Variants in MSH4 observed in about 807,000 individuals in gnomAD.
The protein encoded by MSH4 is mutS homolog 4, also known as mutS protein homolog 4.
MSH4 carries 106 observed loss-of-function variants against 113.7 expected under a neutral mutation model. The ratio of observed to expected loss-of-function variants is 0.93; its 90% CI spans 0.80 to 1.10. The LOEUF (loss-of-function observed/expected upper bound fraction) is 1.10, where lower values mean the gene tolerates loss of function less well. Among genes scored for constraint, MSH4 ranks in the 50% least tolerant of loss-of-function variants. The pLI is 0.00. For synonymous variants in MSH4, 368 were observed against 380.2 expected (o/e 0.97, Z 0.37); for missense variants, 1,061 against 1,093.7 (o/e 0.97, Z 0.42).
chr1:75,888,855 T>C (rs930026736), intron 15 of MSH4, among the ~76,000 whole-genome samples: 10 of 152,078 alleles, frequency 6.6e-5, no homozygotes, highest in Admixed American at 3.9e-4. Flanking sequence ...ACTGCCTTAT[T>C]TGAACTTCTG....
At chr1:75,866,849 G>C (rs1301424809) in intron 8 of MSH4, among the ~76,000 whole-genome samples, 1 of 151,784 alleles carries the variant, frequency 6.6e-6, no homozygotes. Context: ...TTCATATCAA[G>C]TACATTATGT....
intron 9 of MSH4, among the ~76,000 whole-genome samples, chr1:75,875,320 A>G (rs1651796610): frequency 6.6e-6 from 1 of 152,220 alleles, no homozygotes; most frequent in Admixed American, 6.5e-5. Flanking sequence ...ATGTTGTAAC[A>G]CTGCAGAAAA....
In MSH4 at chr1:75,815,039, A is replaced by AT. The variant is rs1650267297; in HGVS notation, c.719dup (p.Gln241ProfsTer7). On this transcript the variant is annotated frameshift_variant, in exon 5 of 20. Coordinates refer to ENST00000263187, the MANE Select transcript of MSH4 (RefSeq NM_002440.4). LOFTEE classifies it high-confidence loss of function. ...TTTTCAGAATGTTAATTTCACTACT[A>AT]TCCAAAGGAAATACTTCAATGAAAC... 3 of 1,590,980 alleles carry AT rather than the reference A, an allele frequency of 1.9e-6. No individual in the cohort carries two copies. The highest frequency in any genetic ancestry group is 2.6e-6 in the Non-Finnish European group (3 of 1,163,580).
chr1:75,862,001 G>A (rs927863112), intron 8 of MSH4, among the ~76,000 whole-genome samples: 1 of 151,966 alleles, frequency 6.6e-6, no homozygotes, highest in Non-Finnish European at 1.5e-5. Context: ...AATGGCGGAC[G>A]CCCCTCCCCC....
At chr1:75,858,563 A>G (rs530193036) in intron 8 of MSH4, among the ~76,000 whole-genome samples, 3 of 152,242 alleles carry the variant, frequency 2.0e-5, no homozygotes, top group Admixed American at 6.5e-5. Flanking sequence ...GTGATGGATT[A>G]TGTTTATTGA....
chr1:75,805,390 T>G (rs1650037987), intron 2 of MSH4, among the ~76,000 whole-genome samples: 3 of 151,662 alleles, frequency 2.0e-5, no homozygotes, highest in Admixed American at 1.3e-4. Context: ...TTTGTTTTTT[T>G]TTTTTTTTGG....
At chr1:75,812,924 C>A (rs915130389) in intron 4 of MSH4, among the ~76,000 whole-genome samples, 4 of 152,108 alleles carry the variant, frequency 2.6e-5, no homozygotes, top group Non-Finnish European at 5.9e-5. Context: ...GTGTTTCGTT[C>A]AAGTCTTTAT....
intron 8 of MSH4, among the ~76,000 whole-genome samples, chr1:75,859,705 T>C (rs1429916290): frequency 6.6e-6 from 1 of 152,192 alleles, no homozygotes; most frequent in African/African-American, 2.4e-5. Flanking sequence ...TTAGAATTAG[T>C]GTGATATGGT....
intron 19 of MSH4, among the ~76,000 whole-genome samples, chr1:75,901,869 T>C (rs1184748046): frequency 6.6e-6 from 1 of 152,164 alleles, no homozygotes; most frequent in African/African-American, 2.4e-5. Context: ...TGAGATGATA[T>C]CTCATTGTGG....
chr1:75,855,860 G>A (rs1557511223), intron 8 of MSH4, among the ~76,000 whole-genome samples: 1 of 152,158 alleles, frequency 6.6e-6, no homozygotes, highest in Non-Finnish European at 1.5e-5. Flanking sequence ...ACCTTTAACA[G>A]TGTATAAGTG....
In MSH4 at chr1:75,843,612, C is replaced by T. The variant is rs530428451; in HGVS notation, c.1163-4597C>T. ...AATCTATGGTTTGTAGGGCATAACT[C>T]CCTAGACCCCTTAGGTAGGAATTTG... is the stretch of plus-strand genomic sequence containing the variant. On this transcript the variant is annotated intron_variant, in intron 7 of 19. Transcript: ENST00000263187. Among the ~76,000 whole-genome samples, 142 of 152,222 alleles carry T rather than the reference C, an allele frequency of 9.3e-4. 1 individual carries two copies. The highest frequency in any genetic ancestry group is 6.8e-3 in the Middle Eastern group (2 of 294).
At chr1:75,894,596 C>T (rs951836531) in intron 17 of MSH4, among the ~76,000 whole-genome samples, 1 of 152,188 alleles carries the variant, frequency 6.6e-6, no homozygotes, top group Non-Finnish European at 1.5e-5. Context: ...ATCAGTTTGC[C>T]TTCTGTATGT....
At chr1:75,822,293 A>AC (rs1454991701) in intron 6 of MSH4, 116 bp from the exon 7 acceptor site, 2 of 642,246 alleles carry the variant, frequency 3.1e-6, no homozygotes, top group Non-Finnish European at 4.8e-6. Context: ...TGTTTCAAAA[A>AC]AAAAAAAAAA....
At chr1:75,909,957 T>A (rs1021463) in intron 19 of MSH4, among the ~76,000 whole-genome samples, 146,468 of 152,098 alleles carry the variant, frequency 0.96, 70,772 homozygotes, top group East Asian at 1. Context: ...CTATTCTACC[T>A]TTTAAAAAAA....
chr1:75,837,296 G>A (rs554247855), intron 7 of MSH4, among the ~76,000 whole-genome samples: 1 of 151,674 alleles, frequency 6.6e-6, no homozygotes, highest in East Asian at 1.9e-4. Context: ...CACTCAGCTT[G>A]TGGTAATTTT....
chr1:75,816,034 G>T (rs897885636), intron 5 of MSH4, among the ~76,000 whole-genome samples: 1 of 151,898 alleles, frequency 6.6e-6, no homozygotes, highest in African/African-American at 2.4e-5. Flanking sequence ...TAAAGTATCA[G>T]ACTTTCCTAA....
At chr1:75,899,533 A>T (rs1410581769) in intron 18 of MSH4, 85 bp from the exon 19 acceptor site, 3 of 673,684 alleles carry the variant, frequency 4.5e-6, no homozygotes, top group African/African-American at 1.9e-5. Flanking sequence ...TAAATCTGTG[A>T]CTAAAAGATT....
Position 75,846,700 on chromosome 1 carries a change from T to G in MSH4, c.1163-1509T>G, listed in dbSNP as rs558251076. On this transcript the variant is annotated intron_variant, in intron 7 of 19. Transcript: ENST00000263187. ...GTAGTCTTTACAACATTCCAGACTT[T>G]CCTTACATTTCTTTCCTTTTTCTGA... Among the ~76,000 whole-genome samples, 67 of 152,334 alleles carry G rather than the reference T, an allele frequency of 4.4e-4. No individual in the cohort carries two copies. In the South Asian group the frequency reaches 6.4e-3, roughly 15 times the overall value.
At chr1:75,829,630 T>C (rs1298488061) in intron 7 of MSH4, among the ~76,000 whole-genome samples, 2 of 152,198 alleles carry the variant, frequency 1.3e-5, no homozygotes, top group Non-Finnish European at 2.9e-5. Context: ...CGTTCTGCAA[T>C]ATTTGCTGTT....
Sources: allele counts gnomAD v4.1 joint callset (sites outside exome capture counted in the v4.1 genomes callset), GRCh38; gene constraint gnomAD v4.1.1; transcripts MANE v1.5; gene names NCBI Gene and HGNC (gene_info 2026-07-23, HGNC 2026-07-21).